The following TNIK variants were observed in gnomAD, a reference collection of about 807,000 sequenced individuals.
The protein encoded by TNIK is TRAF2 and NCK-interacting protein kinase.
A neutral mutation model predicts 191.3 loss-of-function variants in TNIK; 49 were observed. The observed-to-expected ratio is 0.26, with a 90% CI of 0.20 to 0.32. TNIK has a LOEUF of 0.32. TNIK is among the 10% of genes least tolerant of loss of function. TNIK has a pLI of 1.00. For missense variants in TNIK, 1,155 were observed against 1,702.3 expected, an observed-to-expected ratio of 0.68 and a Z score of 5.66; for synonymous variants, 594 against 600.9, an observed-to-expected ratio of 0.99 and a Z score of 0.17.
chr3:171,065,105 G>A (rs775573548), intron 32 of TNIK, among the ~76,000 whole-genome samples: 12 of 152,224 alleles, frequency 7.9e-5, no homozygotes, highest in Non-Finnish European at 1.8e-4. Flanking sequence ...GGTGTGGCAT[G>A]GCTTGGAACA....
At chr3:171,419,269 A>G (rs761198410) in intron 1 of TNIK, among the ~76,000 whole-genome samples, 1 of 152,242 alleles carries the variant, frequency 6.6e-6, no homozygotes, top group Non-Finnish European at 1.5e-5. Flanking sequence ...CACATATTGT[A>G]TAAATCTACT....
intron 1 of TNIK, among the ~76,000 whole-genome samples, chr3:171,442,851 A>G (rs1407829081): frequency 6.6e-6 from 1 of 152,118 alleles, no homozygotes; most frequent in Non-Finnish European, 1.5e-5. Context: ...CTCCCCCAAA[A>G]TGTGTAAACT....
chr3:171,433,937 CTTTTTTTTTTTTTTT>C (rs67036993), intron 1 of TNIK, among the ~76,000 whole-genome samples: 51 of 71,122 alleles, frequency 7.2e-4, no homozygotes, highest in Non-Finnish European at 1.0e-3. Flanking sequence ...TTTCTTTTTC[CTTTTTTTTTTTTTTT>C]TTTTTTTTTT....
At chr3:171,408,867 A>C (rs1188688439) in intron 1 of TNIK, among the ~76,000 whole-genome samples, 1 of 152,134 alleles carries the variant, frequency 6.6e-6, no homozygotes, top group Admixed American at 6.5e-5. Context: ...TCGCTATGCA[A>C]ATGTTAGGAG....
chr3:171,216,691 G>A (rs1741491998), intron 3 of TNIK, among the ~76,000 whole-genome samples: 2 of 152,122 alleles, frequency 1.3e-5, no homozygotes, highest in Non-Finnish European at 2.9e-5. Context: ...AAAATTAAAT[G>A]AGAATTAAAC....
intron 2 of TNIK, among the ~76,000 whole-genome samples, chr3:171,322,856 T>A (rs201992554): frequency 7.8e-6 from 1 of 127,882 alleles, no homozygotes; most frequent in Non-Finnish European, 1.7e-5. Context: ...TTTTTTTTTT[T>A]AAGTGCAAGG....
At chr3:171,072,158 T>C (rs1719264563) in intron 28 of TNIK, among the ~76,000 whole-genome samples, 1 of 152,184 alleles carries the variant, frequency 6.6e-6, no homozygotes, top group Admixed American at 6.5e-5. Flanking sequence ...AATCTTTTGC[T>C]GTTAAGTGTG....
At chr3:171,158,179 C>A (rs777984845) in intron 11 of TNIK, among the ~76,000 whole-genome samples, 1 of 152,180 alleles carries the variant, frequency 6.6e-6, no homozygotes, top group Non-Finnish European at 1.5e-5. Context: ...GATGGAAAAC[C>A]CTTGAGTCAA....
At chr3:171,120,306 G>A (rs76957868) in intron 18 of TNIK, among the ~76,000 whole-genome samples, 3,446 of 149,008 alleles carry the variant, frequency 0.023, 143 homozygotes, top group African/African-American at 0.082. Context: ...GCTCTGCCTT[G>A]TTTTTCTTTT....
chr3:171,424,619 G>A (rs531177090), intron 1 of TNIK, among the ~76,000 whole-genome samples: 2 of 152,078 alleles, frequency 1.3e-5, no homozygotes, highest in Non-Finnish European at 2.9e-5. Context: ...TTGAGAAAAT[G>A]TTGCACATAT....
At chr3:171,340,955 A>C (rs1044628354) in intron 2 of TNIK, among the ~76,000 whole-genome samples, 8 of 152,066 alleles carry the variant, frequency 5.3e-5, no homozygotes. Flanking sequence ...GTTCTCCTCC[A>C]AGAACAAAAT....
At chr3:171,291,392 A>T (rs1170847196) in intron 2 of TNIK, among the ~76,000 whole-genome samples, 1 of 152,044 alleles carries the variant, frequency 6.6e-6, no homozygotes, top group Admixed American at 6.6e-5. Context: ...CAGCTTAAAA[A>T]TTTTCTTTAG....
intron 2 of TNIK, among the ~76,000 whole-genome samples, chr3:171,334,688 GT>G (rs1326735192): frequency 6.6e-6 from 1 of 152,136 alleles, no homozygotes; most frequent in African/African-American, 2.4e-5. Flanking sequence ...GACTCATGAA[GT>G]CTTGAACAGG....
intron 1 of TNIK, among the ~76,000 whole-genome samples, chr3:171,397,843 C>G (rs1050007786): frequency 1.3e-5 from 2 of 151,946 alleles, no homozygotes; most frequent in African/African-American, 4.8e-5. Flanking sequence ...CGCTTTTTTT[C>G]TTTTATGCTT....
intron 9 of TNIK, among the ~76,000 whole-genome samples, chr3:171,173,599 A>T (rs6783858): frequency 0.024 from 3,601 of 152,228 alleles, 151 homozygotes; most frequent in African/African-American, 0.081. Flanking sequence ...GTAATGCTCA[A>T]TTGACAGATT....
At chr3:171,243,006 A>G (rs929583637) in intron 2 of TNIK, among the ~76,000 whole-genome samples, 13 of 152,356 alleles carry the variant, frequency 8.5e-5, no homozygotes, top group Middle Eastern at 3.4e-3. Flanking sequence ...GTAAAAATAC[A>G]TAAGTTCTAT....
At position 171,189,773 on chromosome 3, in the gene TNIK, A is replaced by T. The variant is rs112502203; in HGVS notation, c.508+924T>A. Among the ~76,000 whole-genome samples, 1,501 of 152,326 alleles carry T rather than the reference A, an allele frequency of 9.9e-3. 16 individuals are homozygous for T. Among genetic ancestry groups the T allele is most frequent in the African/African-American group, 0.017 (708 of 41,578 alleles). On this transcript the variant is annotated intron_variant, in intron 6 of 32. Transcript: ENST00000436636. ...TCAACAAGTAACTGTTAATTAGTGAAGTAAGAATGCTCTCAGGATAGCTTA... is the reference window on the plus strand; with the variant it reads ...TCAACAAGTAACTGTTAATTAGTGATGTAAGAATGCTCTCAGGATAGCTTA...
At chr3:171,277,310 T>C (rs1749867403) in intron 2 of TNIK, among the ~76,000 whole-genome samples, 1 of 152,160 alleles carries the variant, frequency 6.6e-6, no homozygotes, top group African/African-American at 2.4e-5. Context: ...TGGCATTCTG[T>C]TATAGCAGCA....
intron 4 of TNIK, among the ~76,000 whole-genome samples, chr3:171,196,109 CAAAT>C (rs768950035): frequency 1.3e-4 from 20 of 152,016 alleles, no homozygotes; most frequent in Non-Finnish European, 2.5e-4. Flanking sequence ...TAAGAGCTGA[CAAAT>C]AAAAGGAAAG....
Sources: allele counts gnomAD v4.1 joint callset (sites outside exome capture counted in the v4.1 genomes callset), GRCh38; gene constraint gnomAD v4.1.1; transcripts MANE v1.5; gene names NCBI Gene and HGNC (gene_info 2026-07-23, HGNC 2026-07-21).